The following HMGA2 variants were observed in gnomAD, a reference collection of about 807,000 sequenced individuals.
HMGA2 encodes high mobility group protein HMGI-C.
Under a neutral mutation model 19.1 loss-of-function variants are expected in HMGA2, and 8 were observed. That is an observed-to-expected ratio of 0.42 (90% confidence interval 0.25 to 0.76). The LOEUF is 0.76. Among genes scored for constraint, HMGA2 ranks in the 30% least tolerant of loss-of-function variants. The pLI, the probability that HMGA2 is intolerant of heterozygous loss-of-function variation, is 0.28. For missense variants in HMGA2, 109 were observed against 136.3 expected (o/e 0.80, Z 1.00); for synonymous variants, 60 against 48.8 (o/e 1.23, Z -0.96).
chr12:65,844,185 T>C (rs1871140912), intron 3 of HMGA2, among the ~76,000 whole-genome samples: 2 of 152,304 alleles, frequency 1.3e-5, no homozygotes, highest in South Asian at 2.1e-4. Context: ...CATCAAAAAC[T>C]GTCTGCTAAT....
intron 4 of HMGA2, among the ~76,000 whole-genome samples, chr12:65,961,754 T>C (rs938814830): frequency 2.0e-5 from 3 of 151,998 alleles, no homozygotes; most frequent in African/African-American, 7.3e-5. Context: ...TGTGTGTGTG[T>C]GTGTATGTGT....
chr12:65,915,135 T>C lies in HMGA2; in HGVS notation c.250-36248T>C, dbSNP rs2306436. The C allele has an allele frequency of 5.0e-4, 801 of 1,613,640 alleles. 4 individuals are homozygous for C. The East Asian group carries it at 0.016, about 33-fold the overall frequency. ...AGTACCAAAAGGAGTCACTGAATTG[T>C]CATTGGAGGAGTCCAGGATAGCTCT... On this transcript the variant is annotated intron_variant, in intron 3 of 4. Transcript: ENST00000403681.
At position 65,899,007 on chromosome 12, in the gene HMGA2, G is replaced by T. The variant is rs1874256169; in HGVS notation, c.250-52376G>T. Among the ~76,000 whole-genome samples the T allele has an allele frequency of 2.2e-5, 3 of 133,614 alleles. No homozygotes were observed. The South Asian group carries it at 7.1e-4, about 32-fold the overall frequency. 87.7% of individuals were successfully genotyped at this position (133,614 alleles called of 152,430 possible). A position where few individuals can be genotyped will look rare whatever the true frequency, so the allele number is the denominator to read the frequency against. On this transcript the variant is annotated intron_variant, in intron 3 of 4. Coordinates refer to ENST00000403681, the MANE Select transcript of HMGA2 (RefSeq NM_003483.6). ...TGCAGTAAGCGGAGATCGTGCCACG[G>T]CACTCCAGCCTGGGCAACAGAGCGA...
At chr12:65,887,454 G>A (rs995927127) in intron 3 of HMGA2, among the ~76,000 whole-genome samples, 6 of 152,058 alleles carry the variant, frequency 3.9e-5, no homozygotes, top group Admixed American at 6.6e-5. Flanking sequence ...TGGTGTGGTG[G>A]CGTGTACCAT....
At chr12:65,852,242 A>G (rs559107374) in intron 3 of HMGA2, among the ~76,000 whole-genome samples, 7 of 152,338 alleles carry the variant, frequency 4.6e-5, no homozygotes, top group African/African-American at 1.7e-4. Context: ...CACGCCTACA[A>G]TCCCAGCACC....
At chr12:65,875,958 A>T (rs894410883) in intron 3 of HMGA2, among the ~76,000 whole-genome samples, 2 of 151,912 alleles carry the variant, frequency 1.3e-5, no homozygotes, top group Non-Finnish European at 2.9e-5. Context: ...GATTTTTTTT[A>T]AAAGTGGTTG....
chr12:65,877,918 G>A (rs967671921), intron 3 of HMGA2, among the ~76,000 whole-genome samples: 2 of 152,018 alleles, frequency 1.3e-5, no homozygotes, highest in Admixed American at 6.6e-5. Flanking sequence ...ATTTCCTTTT[G>A]TGAAAATTTT....
chr12:65,918,546 T>G (rs562898848), intron 3 of HMGA2, among the ~76,000 whole-genome samples: 3 of 152,198 alleles, frequency 2.0e-5, no homozygotes, highest in Non-Finnish European at 4.4e-5. Context: ...AGTGATGACA[T>G]AAATAAGAAA....
chr12:65,905,586 A>G (rs952273504), intron 3 of HMGA2, among the ~76,000 whole-genome samples: 3 of 152,342 alleles, frequency 2.0e-5, no homozygotes, highest in Non-Finnish European at 2.9e-5. Context: ...CAGACATGTC[A>G]TCACTCAACT....
At chr12:65,865,305 A>G (rs1487071023) in intron 3 of HMGA2, among the ~76,000 whole-genome samples, 1 of 152,162 alleles carries the variant, frequency 6.6e-6, no homozygotes, top group Non-Finnish European at 1.5e-5. Flanking sequence ...CTGACTTCAC[A>G]GGGAGTCAGT....
intron 3 of HMGA2, among the ~76,000 whole-genome samples, chr12:65,872,394 G>A (rs142698260): frequency 0.011 from 1,701 of 152,144 alleles, 13 homozygotes; most frequent in Non-Finnish European, 0.018. Flanking sequence ...CACGTCGCTC[G>A]TCTCCAGGGT....
intron 3 of HMGA2, among the ~76,000 whole-genome samples, chr12:65,846,426 GAA>G (rs1014284671): frequency 4.3e-4 from 65 of 152,306 alleles, no homozygotes; most frequent in African/African-American, 1.5e-3. Flanking sequence ...TTATGATGCT[GAA>G]AGAGTCCTGT....
At chr12:65,875,618 TTTTTTTTTTTTTA>T (rs1243061007) in intron 3 of HMGA2, among the ~76,000 whole-genome samples, 4 of 109,464 alleles carry the variant, frequency 3.7e-5, no homozygotes, top group East Asian at 5.7e-4. Flanking sequence ...TTTTTTTTTT[TTTTTTTTTTTTTA>T]GTAAAGACAA....
intron 3 of HMGA2, among the ~76,000 whole-genome samples, chr12:65,855,402 GTC>G (rs1321115826): frequency 6.7e-6 from 1 of 150,304 alleles, no homozygotes; most frequent in Non-Finnish European, 1.5e-5. Context: ...TTACAACTAT[GTC>G]TCTCTCTTTC....
intron 3 of HMGA2, among the ~76,000 whole-genome samples, chr12:65,873,070 A>T (rs556786542): frequency 6.6e-6 from 1 of 152,236 alleles, no homozygotes; most frequent in South Asian, 2.1e-4. Context: ...GCCCCCGCCA[A>T]CCTCTCTTGA....
chr12:65,940,569 T>C (rs1295948714), intron 3 of HMGA2, among the ~76,000 whole-genome samples: 1 of 152,190 alleles, frequency 6.6e-6, no homozygotes, highest in Non-Finnish European at 1.5e-5. Context: ...ACAGATGCTA[T>C]TTTTATAGAT....
At chr12:65,864,381 G>C (rs1290843082) in intron 3 of HMGA2, among the ~76,000 whole-genome samples, 1 of 152,116 alleles carries the variant, frequency 6.6e-6, no homozygotes, top group African/African-American at 2.4e-5. Flanking sequence ...AAATTTAATT[G>C]AGTAGTGTTA....
At chr12:65,945,124 T>C (rs886872969) in intron 3 of HMGA2, among the ~76,000 whole-genome samples, 2 of 151,820 alleles carry the variant, frequency 1.3e-5, no homozygotes, top group Non-Finnish European at 2.9e-5. Flanking sequence ...CAGAGATGGA[T>C]TGGAGTGGAG....
chr12:65,925,941 C>T (rs970660701), intron 3 of HMGA2, among the ~76,000 whole-genome samples: 4 of 152,132 alleles, frequency 2.6e-5, no homozygotes, highest in South Asian at 2.1e-4. Flanking sequence ...TATTGGGGAA[C>T]GCTTCCTTTG....
Sources: gnomAD v4.1 joint callset for allele counts (sites outside exome capture counted in the v4.1 genomes callset) on GRCh38, gnomAD v4.1.1 for gene constraint, MANE v1.5 for transcripts, NCBI Gene and HGNC (gene_info 2026-07-23, HGNC 2026-07-21) for gene names.